Variants in UNC79 observed in about 807,000 individuals in gnomAD.
The protein encoded by UNC79 is protein unc-79 homolog.
UNC79 carries 37 observed loss-of-function variants against 283.1 expected under a neutral mutation model. The observed-to-expected ratio is 0.13, with a 90% CI of 0.10 to 0.17. The LOEUF (loss-of-function observed/expected upper bound fraction) is 0.17, where lower values mean the gene tolerates loss of function less well. Ranked by LOEUF, UNC79 falls within the 10% of genes least tolerant of loss-of-function variation. The pLI, the probability that UNC79 is intolerant of heterozygous loss-of-function variation, is 1.00. For missense variants in UNC79, 2,272 were observed against 3,211.1 expected (o/e 0.71, Z 7.07); for synonymous variants, 1,107 against 1,200.2 (o/e 0.92, Z 1.61).
At chr14:93,423,149 C>A (rs1186678497) in intron 1 of UNC79, among the ~76,000 whole-genome samples, 1 of 150,030 alleles carries the variant, frequency 6.7e-6, no homozygotes, top group Non-Finnish European at 1.5e-5. Flanking sequence ...GATAAAATAC[C>A]TACAAATTAA....
chr14:93,441,583 C>T (rs1273894507), intron 1 of UNC79, among the ~76,000 whole-genome samples: 1 of 151,688 alleles, frequency 6.6e-6, no homozygotes, highest in East Asian at 1.9e-4. Context: ...TACTGCTAGT[C>T]CTCTTGTTTT....
chr14:93,584,027 G>A (rs1046794346), intron 20 of UNC79, among the ~76,000 whole-genome samples: 5 of 151,850 alleles, frequency 3.3e-5, no homozygotes, highest in Non-Finnish European at 7.4e-5. Context: ...GGCTGTTCTC[G>A]AACTCCTAGA....
chr14:93,647,282 T>C (rs1229273384), intron 35 of UNC79, among the ~76,000 whole-genome samples: 1 of 152,132 alleles, frequency 6.6e-6, no homozygotes, highest in Non-Finnish European at 1.5e-5. Context: ...TACATTCTAC[T>C]TGAGGAGGGA....
Position 93,410,959 on chromosome 14 carries a change from A to G in UNC79, c.-350-56712A>G, listed in dbSNP as rs78853638. 2.2e-3 allele frequency among the ~76,000 whole-genome samples: 329 copies of G among 151,744 alleles called. 5 individuals carry two copies. In the East Asian group the frequency reaches 0.022, roughly 10 times the overall value. Reference sequence around the variant, plus strand: ...AGAAAAGCAGACTTTGGCTTGCTCCATATGTACCAGCTCAGCCACAGGGGA... The same window carrying G: ...AGAAAAGCAGACTTTGGCTTGCTCCGTATGTACCAGCTCAGCCACAGGGGA... On this transcript the variant is annotated intron_variant, in intron 1 of 49. Coordinates refer to the UNC79 transcript ENST00000256339.
intron 31 of UNC79, 34 bp from the exon 34 acceptor site, chr14:93,634,487 T>C: frequency 6.7e-7 from 1 of 1,486,278 alleles, no homozygotes; most frequent in Non-Finnish European, 9.4e-7. Flanking sequence ...TGGAAATTTA[T>C]TATTATAATC....
intron 1 of UNC79, among the ~76,000 whole-genome samples, chr14:93,374,156 G>T (rs1216865457): frequency 6.6e-6 from 1 of 152,116 alleles, no homozygotes; most frequent in Non-Finnish European, 1.5e-5. Flanking sequence ...TCCCACCAGG[G>T]TAATGCCTAA....
intron 14 of UNC79, among the ~76,000 whole-genome samples, chr14:93,550,568 T>A (rs1251643793): frequency 6.7e-6 from 1 of 150,374 alleles, no homozygotes; most frequent in East Asian, 1.9e-4. Flanking sequence ...CTGGCTCAAT[T>A]TAGTCATTTA....
chr14:93,380,979 TTAGA>T (rs754768823), intron 1 of UNC79, among the ~76,000 whole-genome samples: 88 of 152,314 alleles, frequency 5.8e-4, no homozygotes, highest in Non-Finnish European at 7.6e-4. Flanking sequence ...ATTGAGTGCT[TTAGA>T]TAGTCAGTGA....
At chr14:93,612,542 A>T (rs112126018) in intron 26 of UNC79, among the ~76,000 whole-genome samples, 1 of 152,196 alleles carries the variant, frequency 6.6e-6, no homozygotes, top group African/African-American at 2.4e-5. Context: ...ATATTGCTTC[A>T]TAGCACCCTA....
chr14:93,382,137 A>G (rs539638611), intron 1 of UNC79, among the ~76,000 whole-genome samples: 1 of 152,162 alleles, frequency 6.6e-6, no homozygotes, highest in African/African-American at 2.4e-5. Flanking sequence ...TCCTAATAAT[A>G]CAAGGTATGT....
chr14:93,626,821 C>G (rs893518017), intron 30 of UNC79, among the ~76,000 whole-genome samples: 9 of 152,078 alleles, frequency 5.9e-5, no homozygotes, highest in Non-Finnish European at 1.2e-4. Flanking sequence ...AAGAGACAAA[C>G]GTTAGTATAG....
intron 42 of UNC79, among the ~76,000 whole-genome samples, chr14:93,684,812 T>G (rs2074115191): frequency 6.6e-6 from 1 of 152,202 alleles, no homozygotes; most frequent in African/African-American, 2.4e-5. Flanking sequence ...AATATTAGTT[T>G]TGAGGAAGAA....
intron 46 of UNC79, 52 bp from the exon 50 acceptor site, chr14:93,694,283 A>G (rs1047637769): frequency 1.9e-6 from 3 of 1,567,418 alleles, no homozygotes; most frequent in Admixed American, 1.7e-5. Flanking sequence ...ACTAGTTTGC[A>G]AGGTTTCTAT....
chr14:93,352,564 G>A (rs918896708), intron 1 of UNC79, among the ~76,000 whole-genome samples: 6 of 152,090 alleles, frequency 3.9e-5, no homozygotes, highest in African/African-American at 1.4e-4. Flanking sequence ...ACTCATAAAG[G>A]TGTCACATTC....
chr14:93,647,628 A>G (rs2069762378), intron 35 of UNC79, among the ~76,000 whole-genome samples: 1 of 152,010 alleles, frequency 6.6e-6, no homozygotes, highest in South Asian at 2.1e-4. Context: ...GAGTGGGAGG[A>G]GATGAGAGGG....
At chr14:93,426,435 TTAAAA>T (rs1289557588), upstream of UNC79, among the ~76,000 whole-genome samples, 3 of 150,500 alleles carry the variant, frequency 2.0e-5, no homozygotes, top group African/African-American at 4.8e-5. Context: ...CTTAAATATT[TTAAAA>T]TAATATATTA....
intron 7 of UNC79, among the ~76,000 whole-genome samples, chr14:93,506,757 T>A (rs1021778083): frequency 5.9e-5 from 9 of 152,152 alleles, no homozygotes. Context: ...AGTACTTTAT[T>A]AAGGTATATT....
At chr14:93,618,299 A>C (rs1467543580) in exon 29 of UNC79, 1 of 1,614,116 alleles carries the variant, frequency 6.2e-7, no homozygotes, top group Non-Finnish European at 8.5e-7. Flanking sequence ...ATGCCACGGC[A>C]GGACCTTTGT....
At chr14:93,508,937 C>T (rs908943971) in intron 7 of UNC79, among the ~76,000 whole-genome samples, 14 of 152,176 alleles carry the variant, frequency 9.2e-5, no homozygotes, top group Admixed American at 8.5e-4. Flanking sequence ...TTGCGTTAGT[C>T]TGTTTTCACA....
Sources: gnomAD v4.1 joint callset for allele counts (sites outside exome capture counted in the v4.1 genomes callset) on GRCh38, gnomAD v4.1.1 for gene constraint, MANE v1.5 for transcripts, NCBI Gene and HGNC (gene_info 2026-07-23, HGNC 2026-07-21) for gene names.